LRFN2: variants seen among roughly 807,000 people sequenced by gnomAD.
LRFN2 encodes the protein leucine rich repeat and fibronectin type III domain containing 2, also known as leucine-rich repeat and fibronectin type-III domain-containing protein 2.
In LRFN2, 18 loss-of-function variants were observed where a neutral mutation model predicts 37.3. That is an observed-to-expected ratio of 0.48 (90% CI 0.33 to 0.72). The LOEUF is 0.72. Among genes scored for constraint, LRFN2 ranks in the 30% least tolerant of loss-of-function variants. The pLI is 0.02. For synonymous variants in LRFN2, 556 were observed against 466.6 expected (o/e 1.19, Z -2.47); for missense variants, 1,006 against 1,060.7 (o/e 0.95, Z 0.72).
intron 2 of LRFN2, among the ~76,000 whole-genome samples, chr6:40,416,890 G>A (rs1763105304): frequency 6.6e-6 from 1 of 152,192 alleles, no homozygotes; most frequent in African/African-American, 2.4e-5. Context: ...CCTCCGAACT[G>A]TGAAGGAAGC....
chr6:40,392,021 C>A lies in LRFN2; in HGVS notation c.2292G>T (p.Leu764Phe), dbSNP rs770037133. Residue 764 changes from leucine to phenylalanine, a missense_variant, in exon 3 of 3, where the codon TTG becomes TTT. Coordinates refer to ENST00000338305, the MANE Select transcript of LRFN2 (RefSeq NM_020737.3). This position sits in a 1 kb window ranked among gnomAD's most constrained non-coding sequence, Gnocchi z 4.7. ...CCACCAGGTCACTCTCCTCAAAGGG[C>A]AAGAGCATGCCGTTGACAGAGAGGC... ...KRSLSVNGMLLPFEESDLVGA... is the reference protein window; with the variant it reads ...KRSLSVNGMLFPFEESDLVGA... The A allele has an allele frequency of 6.2e-6, 10 of 1,613,102 alleles. No homozygotes were observed. Among genetic ancestry groups the A allele is most frequent in the Non-Finnish European group, 7.6e-6 (9 of 1,179,600 alleles).
At chr6:40,527,095 G>C (rs1181388390) in intron 1 of LRFN2, among the ~76,000 whole-genome samples, 1 of 152,206 alleles carries the variant, frequency 6.6e-6, no homozygotes, top group Non-Finnish European at 1.5e-5. Context: ...ATATCGAATA[G>C]CAGCATTTCT....
intron 1 of LRFN2, among the ~76,000 whole-genome samples, chr6:40,535,769 A>T (rs1766437645): frequency 6.6e-6 from 1 of 151,812 alleles, no homozygotes; most frequent in East Asian, 1.9e-4. Flanking sequence ...ATGCACTGAG[A>T]CTCTTATTAT....
At chr6:40,502,318 C>T (rs922916325) in intron 1 of LRFN2, 8 of 152,128 alleles carry the variant, frequency 5.3e-5, no homozygotes, top group African/African-American at 1.9e-4. Context: ...AGGTCATCTC[C>T]GAGGGCTTCA....
At chr6:40,549,114 G>A (rs1766718674) in intron 1 of LRFN2, among the ~76,000 whole-genome samples, 1 of 152,166 alleles carries the variant, frequency 6.6e-6, no homozygotes, top group African/African-American at 2.4e-5. Context: ...CAACAAAGAT[G>A]TTGCCATTCA....
chr6:40,467,052 C>T (rs867308698), intron 1 of LRFN2, among the ~76,000 whole-genome samples: 4 of 152,130 alleles, frequency 2.6e-5, no homozygotes, highest in Middle Eastern at 3.4e-3. Context: ...TGGATCTGGG[C>T]TCATAACCTC....
At chr6:40,477,902 G>C (rs1329903816) in intron 1 of LRFN2, among the ~76,000 whole-genome samples, 1 of 152,208 alleles carries the variant, frequency 6.6e-6, no homozygotes, top group Non-Finnish European at 1.5e-5. Context: ...TAATTTATCA[G>C]ACAATGCCAC....
intron 1 of LRFN2, among the ~76,000 whole-genome samples, chr6:40,506,530 T>G (rs1765543463): frequency 6.6e-6 from 1 of 152,220 alleles, no homozygotes; most frequent in African/African-American, 2.4e-5. Context: ...TCTTAACTGC[T>G]ACTTTATTTA....
At chr6:40,462,731 G>A (rs1764373265) in intron 1 of LRFN2, among the ~76,000 whole-genome samples, 1 of 152,186 alleles carries the variant, frequency 6.6e-6, no homozygotes, top group Non-Finnish European at 1.5e-5. Flanking sequence ...TCCATTTACA[G>A]ATGAAGGCAC....
chr6:40,527,754 G>A (rs1766278160), intron 1 of LRFN2, among the ~76,000 whole-genome samples: 1 of 152,166 alleles, frequency 6.6e-6, no homozygotes, highest in Admixed American at 6.5e-5. Flanking sequence ...AGTTAATGAT[G>A]CTGTTTTTAA....
chr6:40,410,288 C>T (rs1762938650), intron 2 of LRFN2, among the ~76,000 whole-genome samples: 1 of 152,114 alleles, frequency 6.6e-6, no homozygotes, highest in Non-Finnish European at 1.5e-5. Flanking sequence ...GTGCTTTTAA[C>T]ATTCTAGAAT....
rs760433642 is a variant in LRFN2, at chr6:40,432,396, C to T, written c.718G>A (p.Gly240Arg). 1 of 1,614,108 alleles carries T rather than the reference C, an allele frequency of 6.2e-7. No homozygotes were observed. Among genetic ancestry groups the T allele is most frequent in the Admixed American group, 1.7e-5 (1 of 60,028 alleles). Residue 240 changes from glycine (G) to arginine (R), a missense_variant, in exon 2 of 3, where the codon GGG becomes AGG. By Grantham distance (125) the Gly-to-Arg change is moderately radical. Transcript: ENST00000338305. ...PFAPPLSFSFGGNPLHCNCEL... is the reference protein window; with the variant it reads ...PFAPPLSFSFRGNPLHCNCEL... The stretch of plus-strand genomic sequence containing the variant: ...CAATTGCAGTGAAGTGGGTTACCCC[C>T]AAAACTAAAGGACAAGGGTGGGGCA...
At chr6:40,423,092 T>A (rs78379039) in intron 2 of LRFN2, among the ~76,000 whole-genome samples, 16,783 of 152,166 alleles carry the variant, frequency 0.11, 1,018 homozygotes, top group Non-Finnish European at 0.13. Context: ...GTAATATGAT[T>A]TGAGATGCTC....
chr6:40,521,642 T>C (rs1766071002), intron 1 of LRFN2, among the ~76,000 whole-genome samples: 1 of 152,142 alleles, frequency 6.6e-6, no homozygotes, highest in South Asian at 2.1e-4. Context: ...AGGGACTGTG[T>C]GGCAGGGAGG....
chr6:40,471,482 G>T (rs1764593900), intron 1 of LRFN2, among the ~76,000 whole-genome samples: 1 of 152,176 alleles, frequency 6.6e-6, no homozygotes, highest in African/African-American at 2.4e-5. Context: ...TGCCCTGGGA[G>T]AGGTGGTGTG....
rs117775853 is a variant in LRFN2, at chr6:40,458,895, A to T, written c.-18-25764T>A. ...ATGACTGTCCAGCACAACTGACCCC[A>T]CCAGCTGGCACCAACTAGACTGCTC... On this transcript the variant is annotated intron_variant, in intron 1 of 2. Coordinates refer to ENST00000338305, the MANE Select transcript of LRFN2 (RefSeq NM_020737.3). Among the ~76,000 whole-genome samples, 1,002 of 152,278 alleles carry T rather than the reference A, an allele frequency of 6.6e-3. 12 individuals carry two copies. The highest frequency in any genetic ancestry group is 0.051 in the East Asian group (265 of 5,178).
intron 1 of LRFN2, among the ~76,000 whole-genome samples, chr6:40,545,597 A>T (rs1363923042): frequency 6.6e-6 from 1 of 152,162 alleles, no homozygotes; most frequent in Non-Finnish European, 1.5e-5. Context: ...AGGCAGAGGA[A>T]GAGGAAGAGG....
chr6:40,551,517 G>T (rs1206865631), intron 1 of LRFN2, among the ~76,000 whole-genome samples: 3 of 152,172 alleles, frequency 2.0e-5, no homozygotes, highest in Non-Finnish European at 2.9e-5. Flanking sequence ...AGTTGAGTTG[G>T]TTTTTCTATT....
chr6:40,561,197 T>A (rs1050504962), intron 1 of LRFN2, among the ~76,000 whole-genome samples: 1 of 152,170 alleles, frequency 6.6e-6, no homozygotes, highest in African/African-American at 2.4e-5. Flanking sequence ...CTCGATGTTC[T>A]GTGTAATCCT....
Sources: allele counts gnomAD v4.1 joint callset (sites outside exome capture counted in the v4.1 genomes callset), GRCh38; gene constraint gnomAD v4.1.1; non-coding constraint Gnocchi (gnomAD v3.1); transcripts MANE v1.5; gene names NCBI Gene and HGNC (gene_info 2026-07-23, HGNC 2026-07-21).